The following ADAM23 variants were observed in gnomAD, a reference collection of about 807,000 sequenced individuals.
ADAM23 encodes the protein disintegrin and metalloproteinase domain-containing protein 23.
Under a neutral mutation model 120.1 loss-of-function variants are expected in ADAM23, and 33 were observed. The observed-to-expected ratio is 0.27, with a 90% CI of 0.21 to 0.37. ADAM23 has a LOEUF of 0.37. ADAM23 is among the 10% of genes least tolerant of loss of function. The pLI is 1.00. For synonymous variants in ADAM23, 367 were observed against 375.2 expected (o/e 0.98, Z 0.25); for missense variants, 862 against 1,058.2 (o/e 0.81, Z 2.57).
At chr2:206,545,801 T>C (rs982960764) in intron 6 of ADAM23, among the ~76,000 whole-genome samples, 15 of 152,222 alleles carry the variant, frequency 9.9e-5, no homozygotes, top group Non-Finnish European at 7.3e-5. Flanking sequence ...AGCAAAATTA[T>C]TCGACTCATT....
At chr2:206,452,181 T>C (rs568154036) in intron 2 of ADAM23, among the ~76,000 whole-genome samples, 66 of 152,330 alleles carry the variant, frequency 4.3e-4, no homozygotes, top group Admixed American at 2.4e-3. Context: ...CCTCATTCTT[T>C]GTTGCTAACA....
At chr2:206,462,684 C>T (rs374174177) in intron 2 of ADAM23, among the ~76,000 whole-genome samples, 4 of 151,984 alleles carry the variant, frequency 2.6e-5, no homozygotes, top group Admixed American at 6.6e-5. Flanking sequence ...AAGGATTTGC[C>T]GGGAGCTCCT....
intron 3 of ADAM23, among the ~76,000 whole-genome samples, chr2:206,527,527 C>G (rs1170329167): frequency 6.6e-6 from 1 of 152,196 alleles, no homozygotes; most frequent in Non-Finnish European, 1.5e-5. Context: ...GTAATTCACT[C>G]TCAAGGAGAT....
At chr2:206,452,118 G>A (rs1003458172) in intron 2 of ADAM23, among the ~76,000 whole-genome samples, 7 of 152,216 alleles carry the variant, frequency 4.6e-5, no homozygotes, top group Non-Finnish European at 1.0e-4. Flanking sequence ...CCACCTACAG[G>A]TAAGATGTGG....
intron 3 of ADAM23, among the ~76,000 whole-genome samples, chr2:206,491,002 G>A (rs1427047605): frequency 1.3e-5 from 2 of 152,138 alleles, no homozygotes; most frequent in Non-Finnish European, 2.9e-5. Context: ...AATGGTTTGA[G>A]AATGACTTGC....
chr2:206,574,436 T>C (rs1290789649), intron 18 of ADAM23, among the ~76,000 whole-genome samples: 1 of 151,552 alleles, frequency 6.6e-6, no homozygotes, highest in East Asian at 1.9e-4. Context: ...GGCCTAAATC[T>C]TTTTTTCTTC....
At chr2:206,577,842 A>G (rs13016718) in intron 18 of ADAM23, among the ~76,000 whole-genome samples, 78,548 of 150,280 alleles carry the variant, frequency 0.52, 20,512 homozygotes, top group Middle Eastern at 0.58. Context: ...CACCACACTG[A>G]CTTCCACAAT....
chr2:206,619,591 A>G lies in ADAM23; in HGVS notation c.*1964A>G, dbSNP rs1004573727. ...TGACACCAAATCCATTGCTAGGTTTAGCTCCTGGTCCCTTTTCAGCAAGAT... is the reference window on the plus strand; with the variant it reads ...TGACACCAAATCCATTGCTAGGTTTGGCTCCTGGTCCCTTTTCAGCAAGAT... On this transcript the variant is annotated 3_prime_UTR_variant, in exon 26 of 26. Coordinates refer to ENST00000264377, the MANE Select transcript of ADAM23 (RefSeq NM_003812.4). 1 of 151,064 alleles carries G rather than the reference A, an allele frequency of 6.6e-6. No individual in the cohort carries two copies. Among genetic ancestry groups the G allele is most frequent in the Non-Finnish European group, 1.5e-5 (1 of 67,876 alleles). The allele number at this position is 151,064 out of a possible 1,614,324, so 9.4% of individuals were successfully genotyped here.
chr2:206,589,476 C>T lies in ADAM23; in HGVS notation c.1920C>T (p.Cys640=), dbSNP rs778354200. The T allele has an allele frequency of 1.8e-4, 285 of 1,613,498 alleles. 4 individuals are homozygous for T. In the Admixed American group the frequency reaches 4.0e-3, roughly 23 times the overall value. The change falls in exon 21 of 26, where the codon TGC becomes TGT. Residue 640 remains cysteine, a synonymous_variant. Transcript: ENST00000264377. Reference sequence around the variant, plus strand: ...CAGAAGGCACTGAGAAGGGAAACTGCGGGAAGGATGGAGACCGGTGGATTC... The same window carrying T: ...CAGAAGGCACTGAGAAGGGAAACTGTGGGAAGGATGGAGACCGGTGGATTC... The part of the protein sequence containing the change: ...LNTEGTEKGN[C]GKDGDRWIQC...
At chr2:206,454,366 A>C (rs1695253505) in intron 2 of ADAM23, among the ~76,000 whole-genome samples, 1 of 152,156 alleles carries the variant, frequency 6.6e-6, no homozygotes, top group African/African-American at 2.4e-5. Context: ...AGCATGGGGC[A>C]GTCTGTCCCC....
intron 23 of ADAM23, 82 bp from the exon 24 acceptor site, chr2:206,595,969 G>A: frequency 2.8e-6 from 3 of 1,074,316 alleles, no homozygotes; most frequent in Non-Finnish European, 4.1e-6. Flanking sequence ...CTTCCTCCCT[G>A]CCCCCGTGTC....
rs145506528 is a variant in ADAM23 at position 206,562,159 on chromosome 2, A to C, written c.1255-44A>C. ...TAAGAAATAATAACTAGCTTTGTGC[A>C]CTCTCTCAAATGTCTCCCACACACT... is the stretch of plus-strand genomic sequence containing the variant. On this transcript the variant is annotated intron_variant, in intron 12 of 25. Transcript: ENST00000264377. The C allele has an allele frequency of 3.0e-4, 453 of 1,499,648 alleles. No individual in the cohort carries two copies. The African/African-American group carries it at 5.5e-3, about 18-fold the overall frequency. The allele number at this position is 1,499,648 out of a possible 1,614,324, so 92.9% of individuals were successfully genotyped here.
intron 4 of ADAM23, among the ~76,000 whole-genome samples, chr2:206,539,286 T>G (rs1055132651): frequency 1.3e-5 from 2 of 152,170 alleles, no homozygotes; most frequent in Non-Finnish European, 2.9e-5. Flanking sequence ...ACTGACAGTT[T>G]TGGATCCGAA....
At chr2:206,516,783 A>G (rs1205357342) in intron 3 of ADAM23, among the ~76,000 whole-genome samples, 1 of 152,164 alleles carries the variant, frequency 6.6e-6, no homozygotes, top group East Asian at 1.9e-4. Context: ...CACTGAAATT[A>G]GAACTAGTGT....
At chr2:206,568,360 G>A (rs751372090) in intron 15 of ADAM23, among the ~76,000 whole-genome samples, 39 of 152,146 alleles carry the variant, frequency 2.6e-4, no homozygotes, top group Non-Finnish European at 5.3e-4. Context: ...ATTTTCAGAA[G>A]TGTTTTTTAT....
At chr2:206,559,580 C>A (rs1294779182) in intron 10 of ADAM23, among the ~76,000 whole-genome samples, 1 of 152,108 alleles carries the variant, frequency 6.6e-6, no homozygotes, top group Non-Finnish European at 1.5e-5. Context: ...TGTTGCACTG[C>A]GGTTACTCAG....
intron 3 of ADAM23, among the ~76,000 whole-genome samples, chr2:206,529,887 C>T (rs781121573): frequency 6.6e-6 from 1 of 152,068 alleles, no homozygotes; most frequent in Non-Finnish European, 1.5e-5. Context: ...TCTCGGCTCA[C>T]TGCAACCTCC....
In ADAM23 at chr2:206,620,943, GTCA is replaced by G. The variant is rs1431306110; in HGVS notation, c.*3318_*3320del. On this transcript the variant is annotated 3_prime_UTR_variant, in exon 26 of 26. Transcript: ENST00000264377. ...TAAAGTTATCCCATCATGTTTTATA[GTCA>G]TTGTTGCTTCCATTGTTAGTTTCCA... The G allele has an allele frequency of 2.0e-5, 3 of 152,126 alleles. No homozygotes were observed. The highest frequency in any genetic ancestry group is 4.4e-5 in the Non-Finnish European group (3 of 68,020). 9.4% of individuals were successfully genotyped at this position (152,126 alleles called of 1,614,324 possible).
At chr2:206,516,159 G>T (rs114715699) in intron 3 of ADAM23, among the ~76,000 whole-genome samples, 1 of 150,008 alleles carries the variant, frequency 6.7e-6, no homozygotes, top group African/African-American at 2.5e-5. Flanking sequence ...TCTCAGTCAC[G>T]TTCCCCCACC....
Sources: allele counts gnomAD v4.1 joint callset (sites outside exome capture counted in the v4.1 genomes callset), GRCh38; gene constraint gnomAD v4.1.1; transcripts MANE v1.5; gene names NCBI Gene and HGNC (gene_info 2026-07-23, HGNC 2026-07-21).